Variants in DPYD observed in about 807,000 individuals in gnomAD.
DPYD encodes dihydropyrimidine dehydrogenase.
Under a neutral mutation model 116.2 loss-of-function variants are expected in DPYD, and 109 were observed. The ratio of observed to expected loss-of-function variants is 0.94; its 90% CI spans 0.80 to 1.10. The LOEUF is 1.10. Ranked by LOEUF, DPYD falls within the 50% of genes least tolerant of loss-of-function variation. The pLI is 0.00. For synonymous variants in DPYD, 440 were observed against 432.0 expected (o/e 1.02, Z -0.23); for missense variants, 1,302 against 1,254.5 (o/e 1.04, Z -0.57).
intron 3 of DPYD, among the ~76,000 whole-genome samples, chr1:97,787,079 G>C (rs1326163400): frequency 1.3e-5 from 2 of 152,090 alleles, no homozygotes; most frequent in African/African-American, 4.8e-5. Context: ...CCATACAATA[G>C]TAATGAAAAA....
chr1:97,684,100 T>C (rs1215603079), intron 7 of DPYD, among the ~76,000 whole-genome samples: 2 of 152,186 alleles, frequency 1.3e-5, no homozygotes, highest in Non-Finnish European at 1.5e-5. Flanking sequence ...TTTCTCTTGC[T>C]TGTCTAGTTC....
At chr1:97,803,580 CAGAG>C (rs961127211) in intron 3 of DPYD, among the ~76,000 whole-genome samples, 2 of 151,744 alleles carry the variant, frequency 1.3e-5, no homozygotes, top group Non-Finnish European at 2.9e-5. Flanking sequence ...ACACAAAAAA[CAGAG>C]AGATGAGAAA....
Position 97,556,335 on chromosome 1 carries a change from ATTTT to A in DPYD, c.1340-6595_1340-6592del, listed in dbSNP as rs1240534115. Among the ~76,000 whole-genome samples, 7 of 143,072 alleles carry A rather than the reference ATTTT, an allele frequency of 4.9e-5. No homozygotes were observed. The East Asian group carries it at 1.4e-3, about 29-fold the overall frequency. The allele number at this position is 143,072 out of a possible 152,430, so 93.9% of individuals were successfully genotyped here. A position where few individuals can be genotyped will look rare whatever the true frequency, so the allele number is the denominator to read the frequency against. Reference sequence around the variant, plus strand: ...GCTTTTTTCTATTCCCTTTTTTTTTATTTTATTTTATTATGATTTTTTTCTTTTT... The same window carrying A: ...GCTTTTTTCTATTCCCTTTTTTTTTAATTTTATTATGATTTTTTTCTTTTT... On this transcript the variant is annotated intron_variant, in intron 11 of 22. Transcript: ENST00000370192.
intron 12 of DPYD, chr1:97,546,149 T>C: frequency 7.1e-7 from 1 of 1,416,744 alleles, no homozygotes; most frequent in Non-Finnish European, 1.0e-6. Flanking sequence ...AGTCCTTCTG[T>C]GCTGCAGAGG....
intron 3 of DPYD, among the ~76,000 whole-genome samples, chr1:97,747,438 T>C (rs1270653374): frequency 6.6e-6 from 1 of 152,114 alleles, no homozygotes; most frequent in Non-Finnish European, 1.5e-5. Flanking sequence ...TAGGAAGCCA[T>C]TCTTTATTCA....
At chr1:97,120,961 A>G (rs12079743) in intron 20 of DPYD, among the ~76,000 whole-genome samples, 5,072 of 152,290 alleles carry the variant, frequency 0.033, 259 homozygotes, top group African/African-American at 0.12. Context: ...ATCTTGATTA[A>G]TCTCTGGGGA....
chr1:97,532,547 A>G (rs2102028215), intron 12 of DPYD, among the ~76,000 whole-genome samples: 1 of 152,152 alleles, frequency 6.6e-6, no homozygotes. Context: ...TTACTGACTC[A>G]ATCTCCTTAT....
intron 12 of DPYD, among the ~76,000 whole-genome samples, chr1:97,533,497 C>A (rs559197885): frequency 6.6e-6 from 1 of 152,178 alleles, no homozygotes; most frequent in East Asian, 1.9e-4. Context: ...GGTGGTGATA[C>A]TGCTGACAAG....
chr1:97,226,827 C>T (rs1208724426), intron 19 of DPYD, among the ~76,000 whole-genome samples: 1 of 151,968 alleles, frequency 6.6e-6, no homozygotes, highest in African/African-American at 2.4e-5. Context: ...TCAATAGAAT[C>T]CCTACAAACA....
At chr1:97,668,148 G>T (rs1304639780) in intron 8 of DPYD, among the ~76,000 whole-genome samples, 2 of 152,048 alleles carry the variant, frequency 1.3e-5, no homozygotes, top group African/African-American at 4.8e-5. Flanking sequence ...GATGAAGGTG[G>T]TATATTTTAT....
intron 13 of DPYD, among the ~76,000 whole-genome samples, chr1:97,477,411 T>C (rs1678028790): frequency 1.3e-5 from 2 of 152,162 alleles, no homozygotes; most frequent in Non-Finnish European, 2.9e-5. Context: ...CTTCAGTTAC[T>C]CCCTCCACCA....
chr1:97,572,483 T>C (rs910495872), intron 11 of DPYD, among the ~76,000 whole-genome samples: 1 of 152,056 alleles, frequency 6.6e-6, no homozygotes. Context: ...GCTAACCTTT[T>C]TGGATAGGCA....
intron 13 of DPYD, among the ~76,000 whole-genome samples, chr1:97,470,845 C>G (rs1448656989): frequency 1.3e-5 from 2 of 152,106 alleles, no homozygotes; most frequent in Non-Finnish European, 2.9e-5. Flanking sequence ...CAAAAATTAG[C>G]AGGGCGTGGT....
At chr1:97,376,291 T>C (rs1671608073) in intron 15 of DPYD, among the ~76,000 whole-genome samples, 1 of 152,182 alleles carries the variant, frequency 6.6e-6, no homozygotes, top group South Asian at 2.1e-4. Context: ...TCATAGTGTG[T>C]TACGAAAAAC....
chr1:97,622,413 A>G (rs1405033022), intron 8 of DPYD, among the ~76,000 whole-genome samples: 2 of 152,028 alleles, frequency 1.3e-5, no homozygotes, highest in African/African-American at 4.8e-5. Flanking sequence ...AGTAATCCTC[A>G]CAGCTGTCAA....
intron 20 of DPYD, among the ~76,000 whole-genome samples, chr1:97,148,299 A>G (rs17432093): frequency 0.17 from 25,626 of 151,108 alleles, 2,640 homozygotes; most frequent in Middle Eastern, 0.27. Flanking sequence ...TTGAAATTTC[A>G]TCATCAAACT....
At chr1:97,237,651 T>G (rs941383876) in intron 18 of DPYD, among the ~76,000 whole-genome samples, 2 of 152,180 alleles carry the variant, frequency 1.3e-5, no homozygotes, top group African/African-American at 4.8e-5. Context: ...ACACATATCT[T>G]CAGTTATACT....
chr1:97,758,073 T>C (rs1665353303), intron 3 of DPYD, among the ~76,000 whole-genome samples: 1 of 152,102 alleles, frequency 6.6e-6, no homozygotes, highest in South Asian at 2.1e-4. Flanking sequence ...CAATCAAAGA[T>C]ACCTATAAAT....
At chr1:97,374,548 G>A (rs7531819) in intron 15 of DPYD, among the ~76,000 whole-genome samples, 2 of 151,378 alleles carry the variant, frequency 1.3e-5, no homozygotes, top group African/African-American at 2.4e-5. Flanking sequence ...GTGAAACTCC[G>A]TCTCTACTAA....
Sources: gnomAD v4.1 joint callset for allele counts (sites outside exome capture counted in the v4.1 genomes callset) on GRCh38, gnomAD v4.1.1 for gene constraint, MANE v1.5 for transcripts, NCBI Gene and HGNC (gene_info 2026-07-23, HGNC 2026-07-21) for gene names.